Variants in NSUN4 observed in about 807,000 individuals in gnomAD.
The protein encoded by NSUN4 is 5-cytosine rRNA methyltransferase NSUN4.
NSUN4 carries 31 observed loss-of-function variants against 43.8 expected under a neutral mutation model. The ratio of observed to expected loss-of-function variants is 0.71; its 90% CI spans 0.53 to 0.96. NSUN4 has a LOEUF of 0.96. Among genes scored for constraint, NSUN4 ranks in the 40% least tolerant of loss-of-function variants. NSUN4 has a pLI of 0.00. For missense variants in NSUN4, 439 were observed against 475.6 expected, an observed-to-expected ratio of 0.92 and a Z score of 0.72; for synonymous variants, 167 against 184.1, an observed-to-expected ratio of 0.91 and a Z score of 0.75.
At position 46,358,398 on chromosome 1, in the gene NSUN4, A is replaced by ATTTTTTTTTTTTTTT. The variant is rs34719174; in HGVS notation, c.754-2298_754-2284dup. On this transcript the variant is annotated intron_variant, in intron 4 of 5. Coordinates refer to ENST00000474844, the MANE Select transcript of NSUN4 (RefSeq NM_199044.4). ...GGCATGAGCTACTGCTCCTGGCCTA[A>ATTTTTTTTTTTTTTT]TTTTTTTTTTTTTTTTTTTTTTGAG... Among the ~76,000 whole-genome samples, 5 of 95,456 alleles carry ATTTTTTTTTTTTTTT rather than the reference A, an allele frequency of 5.2e-5. 1 individual carries two copies. The highest frequency in any genetic ancestry group is 6.0e-5 in the Non-Finnish European group (3 of 50,374). The allele number at this position is 95,456 out of a possible 152,430, so 62.6% of individuals were successfully genotyped here.
chr1:46,361,725 G>T lies in NSUN4; in HGVS notation c.1034G>T (p.Arg345Leu). ...QVQVEDLTHF[R>L]RVFMDTFCFF... ...CAGGTGGAAGATCTGACTCACTTCCGAAGGGTTTTCATGGACACATTTTGT... is the reference window on the plus strand; with the variant it reads ...CAGGTGGAAGATCTGACTCACTTCCTAAGGGTTTTCATGGACACATTTTGT... Residue 345 changes from arginine to leucine, a missense_variant, in exon 6 of 6, where the codon CGA (arginine) becomes CTA (leucine). Transcript: ENST00000474844. The T allele has an allele frequency of 1.2e-6, 2 of 1,614,194 alleles. No homozygotes were observed. Among genetic ancestry groups the T allele is most frequent in the African/African-American group, 1.3e-5 (1 of 75,048 alleles).
At chr1:46,374,587 C>T in the NSUN4 span, among the ~76,000 whole-genome samples, 6 of 151,736 alleles carry the variant, frequency 4.0e-5, no homozygotes, top group African/African-American at 7.3e-5. Context: ...CCAGCCTGGA[C>T]AACAGAGGGA....
At chr1:46,347,471 C>G (rs536639712) in intron 3 of NSUN4, among the ~76,000 whole-genome samples, 53 of 152,280 alleles carry the variant, frequency 3.5e-4, no homozygotes, top group African/African-American at 1.2e-3. Flanking sequence ...GGTAGGTTCT[C>G]TAGTCCCAAA....
At chr1:46,355,777 G>A (rs111494265) in intron 4 of NSUN4, among the ~76,000 whole-genome samples, 5,766 of 152,260 alleles carry the variant, frequency 0.038, 145 homozygotes, top group Middle Eastern at 0.085. Flanking sequence ...CACTTTGGGA[G>A]GCCAAGGTGG....
the NSUN4 span, among the ~76,000 whole-genome samples, chr1:46,371,928 A>C: frequency 6.6e-6 from 1 of 152,006 alleles, no homozygotes; most frequent in African/African-American, 2.4e-5. Context: ...TTCATGAGGG[A>C]TCCGCCCCTA....
chr1:46,371,473 T>C, the NSUN4 span, among the ~76,000 whole-genome samples: 5 of 151,992 alleles, frequency 3.3e-5, no homozygotes, highest in Non-Finnish European at 5.9e-5. Flanking sequence ...GCCTGGCTAA[T>C]TTTTTTGTAT....
Position 46,364,671 on chromosome 1 carries a change from CG to C in NSUN4, c.*2826del, listed in dbSNP as rs1664078155. On this transcript the variant is annotated 3_prime_UTR_variant, in exon 6 of 6. Transcript: ENST00000474844. ...TGGGCGACAGCAAGAGACTTCATTT[CG>C]ATAAATAAGTAAATAAATAAATAAA... 1 of 152,108 alleles carries C rather than the reference CG, an allele frequency of 6.6e-6. No individual in the cohort carries two copies. The highest frequency in any genetic ancestry group is 2.4e-5 in the African/African-American group (1 of 41,410). 9.4% of individuals were successfully genotyped at this position (152,108 alleles called of 1,614,324 possible).
At chr1:46,370,950 T>C in the NSUN4 span, 3 of 152,594 alleles carry the variant, frequency 2.0e-5, no homozygotes, top group African/African-American at 7.2e-5. Flanking sequence ...AAATGCTTTA[T>C]AAAAAGCATT....
the NSUN4 span, among the ~76,000 whole-genome samples, chr1:46,377,207 AC>A: frequency 2.0e-5 from 3 of 149,816 alleles, no homozygotes; most frequent in Admixed American, 6.7e-5. Flanking sequence ...GTGCCACCAC[AC>A]CCGAGTAATT....
At chr1:46,343,425 C>T in intron 1 of NSUN4, 1 of 399,676 alleles carries the variant, frequency 2.5e-6, no homozygotes, top group Non-Finnish European at 4.4e-6. Flanking sequence ...CAAAGAGCCT[C>T]TGCAGATCCC....
At chr1:46,382,191 A>G in the NSUN4 span, among the ~76,000 whole-genome samples, 1 of 152,198 alleles carries the variant, frequency 6.6e-6, no homozygotes, top group African/African-American at 2.4e-5. Context: ...CGTAAAAACA[A>G]CCAGGATCCG....
the NSUN4 span, among the ~76,000 whole-genome samples, chr1:46,374,399 G>T: frequency 6.6e-6 from 1 of 151,522 alleles, no homozygotes; most frequent in South Asian, 2.1e-4. Flanking sequence ...CATGAGGTCA[G>T]GAGTTCGAGA....
At chr1:46,384,671 C>T in the NSUN4 span, among the ~76,000 whole-genome samples, 10 of 152,274 alleles carry the variant, frequency 6.6e-5, no homozygotes, top group African/African-American at 2.4e-4. Flanking sequence ...GGGCTTGATC[C>T]AGGAACAATG....
the NSUN4 span, among the ~76,000 whole-genome samples, chr1:46,378,557 G>T: frequency 5.3e-5 from 8 of 152,216 alleles, no homozygotes. Context: ...CACTGACTGT[G>T]TAGCACTGAG....
the NSUN4 span, among the ~76,000 whole-genome samples, chr1:46,383,212 G>C: frequency 6.6e-6 from 1 of 152,232 alleles, no homozygotes. Context: ...CCCAGGGTGA[G>C]AGACCCGGTG....
chr1:46,374,015 A>C, the NSUN4 span, among the ~76,000 whole-genome samples: 1 of 152,112 alleles, frequency 6.6e-6, no homozygotes, highest in Non-Finnish European at 1.5e-5. Context: ...AGCCGGGCGC[A>C]GTGGCTCACA....
chr1:46,352,506 G>A (rs982577866), intron 3 of NSUN4, among the ~76,000 whole-genome samples: 6 of 151,040 alleles, frequency 4.0e-5, no homozygotes, highest in African/African-American at 1.5e-4. Context: ...GAAAGGAAAG[G>A]GAGGAAAGGG....
the NSUN4 span, among the ~76,000 whole-genome samples, chr1:46,371,306 TA>T: frequency 7.1e-6 from 1 of 141,830 alleles, no homozygotes. Context: ...TTTTCTTTTT[TA>T]CTTTTTTTTT....
At chr1:46,370,375 G>A in the NSUN4 span, among the ~76,000 whole-genome samples, 6 of 152,122 alleles carry the variant, frequency 3.9e-5, no homozygotes, top group Admixed American at 3.9e-4. Flanking sequence ...AATCATTAGT[G>A]GTCATGAAGT....
Sources: allele counts gnomAD v4.1 joint callset (sites outside exome capture counted in the v4.1 genomes callset), GRCh38; gene constraint gnomAD v4.1.1; transcripts MANE v1.5; gene names NCBI Gene and HGNC (gene_info 2026-07-23, HGNC 2026-07-21).